Variants in LINGO1 observed in about 807,000 individuals in gnomAD.
LINGO1 encodes the protein leucine rich repeat and Ig domain containing 1, also known as leucine-rich repeat and immunoglobulin-like domain-containing nogo receptor-interacting protein 1.
In LINGO1, 11 loss-of-function variants were observed where a neutral mutation model predicts 37.3. The observed-to-expected ratio is 0.29, with a 90% CI of 0.19 to 0.49. The LOEUF is 0.49. Among genes scored for constraint, LINGO1 ranks in the 20% least tolerant of loss-of-function variants. The pLI is 0.99. For missense variants in LINGO1, 585 were observed against 878.2 expected (o/e 0.67, Z 4.22); for synonymous variants, 387 against 403.0 (o/e 0.96, Z 0.48).
rs1567555850 is a variant in LINGO1, at chr15:77,738,759, GGAAGGAAGGAA to G, written c.-256-3717_-256-3707del. Among the ~76,000 whole-genome samples the G allele has an allele frequency of 2.7e-4, 38 of 139,286 alleles. 2 individuals are homozygous for G. The highest frequency in any genetic ancestry group is 7.6e-4 in the African/African-American group (27 of 35,528). 91.4% of individuals were successfully genotyped at this position (139,286 alleles called of 152,430 possible). ...AATACATATTTGCTGAAGGAAGGAA[GGAAGGAAGGAA>G]GGAAGGAAGGAAGGAAGGAAGGAAG... On this transcript the variant is annotated intron_variant, in intron 1 of 3. Coordinates refer to the LINGO1 transcript ENST00000561686.
intron 3 of LINGO1, among the ~76,000 whole-genome samples, chr15:77,660,451 G>A (rs560382841): frequency 6.6e-6 from 1 of 152,182 alleles, no homozygotes; most frequent in African/African-American, 2.4e-5. Context: ...GGTGAGCCCT[G>A]GGGGGAGAGC....
rs57969910 is a variant in LINGO1, at chr15:77,652,530, G to GTT, written c.-13+24557_-13+24558dup. On this transcript the variant is annotated intron_variant, in intron 3 of 3. Transcript: ENST00000559893. ...TGTGTGTGTGTGTGTGTGTGTGTGTGTTGCCAGAATACGGAAATCACATTT... is the reference window on the plus strand; with the variant it reads ...TGTGTGTGTGTGTGTGTGTGTGTGTGTTTTGCCAGAATACGGAAATCACATTT... Among the ~76,000 whole-genome samples the GTT allele has an allele frequency of 9.3e-3, 1,347 of 144,856 alleles. 32 individuals are homozygous for GTT. Among genetic ancestry groups the GTT allele is most frequent in the African/African-American group, 0.034 (1,248 of 36,978 alleles).
intron 3 of LINGO1, chr15:77,648,249 GACACTTCACATGCGGTGA>G: frequency 4.1e-6 from 1 of 244,908 alleles, no homozygotes; most frequent in South Asian, 4.9e-5. Flanking sequence ...CACTGTGCTA[GACACTTCACATGCGGTGA>G]ACCTGTGAGG....
At chr15:77,761,795 G>A (rs2076479726) in intron 1 of LINGO1, among the ~76,000 whole-genome samples, 1 of 152,194 alleles carries the variant, frequency 6.6e-6, no homozygotes, top group African/African-American at 2.4e-5. Context: ...CCTCTCCAGG[G>A]GAATGGCATC....
At chr15:77,634,235 C>T, upstream of LINGO1, 1 of 407,902 alleles carries the variant, frequency 2.5e-6, no homozygotes, top group South Asian at 1.6e-5. Context: ...CCTTGTTTCT[C>T]GCTGTTCAGC....
chr15:77,684,271 T>A (rs1341654748), intron 2 of LINGO1, among the ~76,000 whole-genome samples: 2 of 152,226 alleles, frequency 1.3e-5, no homozygotes, highest in African/African-American at 4.8e-5. Flanking sequence ...ATTGACTCAT[T>A]GAATCCTCCT....
chr15:77,706,265 G>A (rs534768733), intron 2 of LINGO1, among the ~76,000 whole-genome samples: 3 of 151,982 alleles, frequency 2.0e-5, no homozygotes, highest in Admixed American at 1.3e-4. Context: ...CACCCAACCC[G>A]GCACCTGTCC....
intron 2 of LINGO1, among the ~76,000 whole-genome samples, chr15:77,688,428 C>T (rs2075548341): frequency 6.6e-6 from 1 of 152,216 alleles, no homozygotes; most frequent in Admixed American, 6.5e-5. Flanking sequence ...CAGCCTCTTT[C>T]ATTAGCTTCT....
At chr15:77,757,676 C>T (rs955405364) in intron 1 of LINGO1, among the ~76,000 whole-genome samples, 2 of 151,544 alleles carry the variant, frequency 1.3e-5, no homozygotes, top group African/African-American at 2.4e-5. Flanking sequence ...AGACTGGGTG[C>T]GGGGACAGGG....
At chr15:77,809,254 C>T (rs2076984049) in intron 1 of LINGO1, among the ~76,000 whole-genome samples, 1 of 152,214 alleles carries the variant, frequency 6.6e-6, no homozygotes, top group African/African-American at 2.4e-5. Flanking sequence ...CCCAGCCCTA[C>T]TGGACAAAGG....
At chr15:77,684,390 G>T (rs1217365029) in intron 2 of LINGO1, among the ~76,000 whole-genome samples, 1 of 152,184 alleles carries the variant, frequency 6.6e-6, no homozygotes, top group East Asian at 1.9e-4. Flanking sequence ...TAATTAGAGG[G>T]GGTAAGTGGA....
At chr15:77,709,290 C>A (rs2075890204) in intron 2 of LINGO1, among the ~76,000 whole-genome samples, 1 of 152,242 alleles carries the variant, frequency 6.6e-6, no homozygotes, top group Admixed American at 6.5e-5. Flanking sequence ...GCGAGCAAAG[C>A]TGGAGCATCC....
intron 1 of LINGO1, among the ~76,000 whole-genome samples, chr15:77,779,378 C>G (rs2076693050): frequency 1.3e-5 from 2 of 152,068 alleles, no homozygotes; most frequent in Non-Finnish European, 2.9e-5. Flanking sequence ...AAGTGCATTA[C>G]ATTTATTGTG....
At chr15:77,813,182 C>CA (rs894585385) in intron 1 of LINGO1, among the ~76,000 whole-genome samples, 1 of 152,160 alleles carries the variant, frequency 6.6e-6, no homozygotes, top group Admixed American at 6.5e-5. Context: ...ACACTGCTCT[C>CA]AGAGTTCTGA....
intron 1 of LINGO1, among the ~76,000 whole-genome samples, chr15:77,745,679 T>C (rs908690924): frequency 6.6e-6 from 1 of 152,194 alleles, no homozygotes; most frequent in Non-Finnish European, 1.5e-5. Context: ...AATCACCTCA[T>C]ACACAATTGC....
chr15:77,706,783 C>T (rs1159700510), intron 2 of LINGO1, among the ~76,000 whole-genome samples: 1 of 152,226 alleles, frequency 6.6e-6, no homozygotes, highest in Non-Finnish European at 1.5e-5. Flanking sequence ...TCACTGTATG[C>T]CTAGCCCCTA....
chr15:77,698,633 G>A (rs563656124), upstream of LINGO1, among the ~76,000 whole-genome samples: 6 of 152,206 alleles, frequency 3.9e-5, no homozygotes, highest in Non-Finnish European at 7.3e-5. Context: ...CCTCCAAGGC[G>A]GGAATGGGAA....
At chr15:77,708,805 T>A (rs2075884025) in intron 2 of LINGO1, among the ~76,000 whole-genome samples, 1 of 152,174 alleles carries the variant, frequency 6.6e-6, no homozygotes, top group Admixed American at 6.5e-5. Flanking sequence ...CTCGGGAGAT[T>A]ACTGGGTTCA....
chr15:77,791,348 G>A (rs1267284283), upstream of LINGO1, among the ~76,000 whole-genome samples: 2 of 151,620 alleles, frequency 1.3e-5, no homozygotes, highest in East Asian at 1.9e-4. Flanking sequence ...GGGAACAGGC[G>A]AAAGGCACAC....
Sources: allele counts gnomAD v4.1 joint callset (sites outside exome capture counted in the v4.1 genomes callset), GRCh38; gene constraint gnomAD v4.1.1; transcripts MANE v1.5; gene names NCBI Gene and HGNC (gene_info 2026-07-23, HGNC 2026-07-21).